The following ITFG2 variants were observed in gnomAD, a reference collection of about 807,000 sequenced individuals.
The protein encoded by ITFG2 is KICSTOR complex protein ITFG2.
ITFG2 carries 36 observed loss-of-function variants against 54.4 expected under a neutral mutation model. The observed-to-expected ratio is 0.66, with a 90% confidence interval of 0.51 to 0.87. ITFG2 has a LOEUF of 0.87. Among genes scored for constraint, ITFG2 ranks in the 40% least tolerant of loss-of-function variants. The pLI is 0.00. For missense variants in ITFG2, 524 were observed against 576.7 expected (o/e 0.91, Z 0.94); for synonymous variants, 211 against 225.4 (o/e 0.94, Z 0.57).
upstream of ITFG2, among the ~76,000 whole-genome samples, chr12:2,832,774 G>T (rs968585926): frequency 6.7e-6 from 1 of 149,172 alleles, no homozygotes; most frequent in African/African-American, 2.5e-5. Flanking sequence ...AATGCTTGCT[G>T]CAGACTGACT....
At chr12:2,827,781 C>T (rs904496007), downstream of ITFG2, 18 of 1,606,294 alleles carry the variant, frequency 1.1e-5, no homozygotes, top group Admixed American at 5.0e-5. This position sits in a 1 kb window ranked among gnomAD's most constrained non-coding sequence, Gnocchi z 4.0. Context: ...TCCCCAGATC[C>T]GAGGACACTG....
chr12:2,818,547 C>G (rs1348892373), intron 4 of ITFG2: 1 of 495,860 alleles, frequency 2.0e-6, no homozygotes, highest in Non-Finnish European at 3.5e-6. Context: ...CCTGTGATAC[C>G]AACGCTTTGG....
At chr12:2,854,645 T>A (rs754991493) in intron 2 of ITFG2, among the ~76,000 whole-genome samples, 2 of 152,224 alleles carry the variant, frequency 1.3e-5, no homozygotes, top group Non-Finnish European at 2.9e-5. Context: ...CACACTTCTC[T>A]GTGTCCCCAG....
chr12:2,832,421 T>C (rs1565432606), upstream of ITFG2, among the ~76,000 whole-genome samples: 2 of 151,800 alleles, frequency 1.3e-5, no homozygotes, highest in Non-Finnish European at 2.9e-5. Flanking sequence ...CTCTCTCCTC[T>C]CTCCTCTCTT....
intron 2 of ITFG2, among the ~76,000 whole-genome samples, chr12:2,842,280 C>T (rs2098043224): frequency 6.6e-6 from 1 of 151,092 alleles, no homozygotes; most frequent in East Asian, 2.0e-4. Flanking sequence ...TGCCACCACG[C>T]CCAGCTATTT....
chr12:2,825,499 G>A (rs1050674177), downstream of ITFG2: 4 of 152,566 alleles, frequency 2.6e-5, no homozygotes, highest in African/African-American at 4.8e-5. Flanking sequence ...GCAAGGCAGT[G>A]AGGGCGAGGA....
chr12:2,835,506 T>TTGCA (rs1386363991), upstream of ITFG2: 1 of 152,942 alleles, frequency 6.5e-6, no homozygotes, highest in Non-Finnish European at 1.5e-5. Flanking sequence ...GTCTCTTGCC[T>TTGCA]CCCGCCTAGC....
chr12:2,851,583 C>T lies in ITFG2; in HGVS notation n.301-6429C>T, dbSNP rs188627035. On this transcript the variant is annotated intron_variant and non_coding_transcript_variant, in intron 2 of 3. Coordinates refer to the ITFG2 transcript ENST00000537710. ...GCCTTGAACTCCTGACCTCAGGTGA[C>T]CCACCTGCCTTGGCCTCCCAGAGTG... Among the ~76,000 whole-genome samples, 334 of 151,486 alleles carry T rather than the reference C, an allele frequency of 2.2e-3. 2 individuals are homozygous for T. Among genetic ancestry groups the T allele is most frequent in the African/African-American group, 7.7e-3 (318 of 41,320 alleles).
At chr12:2,827,153 C>T (rs1219312827), downstream of ITFG2, 15 of 1,612,060 alleles carry the variant, frequency 9.3e-6, no homozygotes, top group South Asian at 3.3e-5. The surrounding 1 kb of genome is among the most constrained non-coding windows in gnomAD (Gnocchi z 4.0). Context: ...GTTCCCCACA[C>T]GCCTCTTCTT....
rs748664002 is a variant in ITFG2 at position 2,821,332 on chromosome 12, A to C, written c.766A>C (p.Thr256Pro). 1 of 1,609,200 alleles carries C rather than the reference A, an allele frequency of 6.2e-7. No individual in the cohort carries two copies. The change falls in exon 7 of 12, where the codon ACT becomes CCT. Residue 256 changes from threonine to proline, a missense_variant. Thr to Pro is a conservative substitution (Grantham distance 38). Coordinates refer to ENST00000228799, the MANE Select transcript of ITFG2 (RefSeq NM_018463.4). ...CCGTATCCACAACAAGAATGTCTCC[A>C]CTCACCTAATTGGCAACATCAAACA... ...SGRIHNKNVS[T>P]HLIGNIKQGH...
chr12:2,827,078 G>A, downstream of ITFG2: 1 of 1,508,392 alleles, frequency 6.6e-7, no homozygotes, highest in Non-Finnish European at 8.8e-7. The surrounding 1 kb of genome is among the most constrained non-coding windows in gnomAD (Gnocchi z 4.0). Context: ...GGGACAGCAG[G>A]GGTCAGGGAG....
chr12:2,849,647 G>A (rs1464028972), intron 2 of ITFG2: 1 of 1,125,622 alleles, frequency 8.9e-7, no homozygotes, highest in Non-Finnish European at 1.3e-6. Context: ...TCAGGCGGCA[G>A]GGAATCCCTT....
intron 4 of ITFG2, chr12:2,818,536 G>C: frequency 1.9e-6 from 1 of 537,224 alleles, no homozygotes; most frequent in Non-Finnish European, 3.2e-6. Flanking sequence ...GCTGCCTCTC[G>C]CCTGTGATAC....
rs192885291 is a variant in ITFG2, at chr12:2,817,198, C to T, written c.97-25C>T. 5.0e-5 allele frequency: 77 copies of T among 1,531,640 alleles called. No homozygotes were observed. The African/African-American group carries it at 7.5e-4, about 15-fold the overall frequency. 94.9% of individuals were successfully genotyped at this position (1,531,640 alleles called of 1,614,324 possible). On this transcript the variant is annotated intron_variant, in intron 1 of 11. Transcript: ENST00000228799. ...GAGGTTCAGCAGAGTCCCATCCTAA[C>T]GCTTTCTTCTCTCTCCATTTGAAGT...
chr12:2,817,397 A>G (rs2097924939), intron 2 of ITFG2, 79 bp downstream of exon 2: 4 of 956,106 alleles, frequency 4.2e-6, no homozygotes, highest in South Asian at 2.8e-5. Flanking sequence ...AGCCCCACAC[A>G]GGTGCTCACC....
upstream of ITFG2, chr12:2,835,058 A>C (rs1603484838): frequency 6.9e-7 from 1 of 1,445,232 alleles, no homozygotes; most frequent in East Asian, 2.4e-5. Context: ...GGAAAAACCC[A>C]GTCCTAGAAG....
chr12:2,849,931 C>T (rs1043048153), intron 2 of ITFG2, among the ~76,000 whole-genome samples: 14 of 152,168 alleles, frequency 9.2e-5, no homozygotes, highest in African/African-American at 3.4e-4. Context: ...GGTATTGGGT[C>T]GAACAGTAGG....
At chr12:2,857,488 G>A (rs766319574) in intron 2 of ITFG2, 6 of 196,874 alleles carry the variant, frequency 3.0e-5, no homozygotes, top group Non-Finnish European at 6.4e-5. Flanking sequence ...GGTGAGCTGT[G>A]CAGGACTAGC....
chr12:2,835,156 C>CGTGTGTGTGTGTGTGTGT (rs1404966974), upstream of ITFG2: 18 of 1,299,596 alleles, frequency 1.4e-5, 1 homozygote, highest in African/African-American at 2.8e-4. Context: ...GTGGATGGGG[C>CGTGTGTGTGTGTGTGTGT]GTATGTGTGT....
Sources: gnomAD v4.1 joint callset for allele counts (sites outside exome capture counted in the v4.1 genomes callset) on GRCh38, gnomAD v4.1.1 for gene constraint, Gnocchi (gnomAD v3.1) non-coding constraint, MANE v1.5 for transcripts, NCBI Gene and HGNC (gene_info 2026-07-23, HGNC 2026-07-21) for gene names.